The following ZMAT4 variants were observed in gnomAD, a reference collection of about 807,000 sequenced individuals.
The protein encoded by ZMAT4 is zinc finger matrin-type 4.
Under a neutral mutation model 28.7 loss-of-function variants are expected in ZMAT4, and 17 were observed. The ratio of observed to expected loss-of-function variants is 0.59; its 90% confidence interval spans 0.41 to 0.89. ZMAT4 has a LOEUF of 0.89. Ranked by LOEUF, ZMAT4 falls within the 40% of genes least tolerant of loss-of-function variation. The probability of loss-of-function intolerance (pLI) is 0.00; values close to 1 mark genes in which losing one functional copy is unlikely to be tolerated. For synonymous variants in ZMAT4, 117 were observed against 109.2 expected (o/e 1.07, Z -0.44); for missense variants, 240 against 283.8 (o/e 0.85, Z 1.11).
At chr8:40,751,268 G>C (rs948155285) in intron 3 of ZMAT4, among the ~76,000 whole-genome samples, 2 of 152,118 alleles carry the variant, frequency 1.3e-5, no homozygotes, top group South Asian at 2.1e-4. Context: ...ACTGGCTCAC[G>C]GTTCTACAGG....
chr8:40,769,421 A>G (rs965582765), intron 2 of ZMAT4, among the ~76,000 whole-genome samples: 6 of 152,220 alleles, frequency 3.9e-5, no homozygotes, highest in African/African-American at 1.4e-4. Flanking sequence ...TTTGCAGCTT[A>G]CTAACATCTG....
At chr8:40,559,569 A>G (rs74303370) in intron 6 of ZMAT4, among the ~76,000 whole-genome samples, 7,069 of 152,256 alleles carry the variant, frequency 0.046, 276 homozygotes, top group East Asian at 0.21. Flanking sequence ...GGCCTCTGCT[A>G]GAGGCAATGC....
chr8:40,842,627 G>A (rs1458946347), intron 1 of ZMAT4, among the ~76,000 whole-genome samples: 1 of 152,166 alleles, frequency 6.6e-6, no homozygotes, highest in Non-Finnish European at 1.5e-5. Context: ...TCACCTGCCA[G>A]TGACATAGAA....
chr8:40,632,263 A>T (rs1310457692), intron 5 of ZMAT4, among the ~76,000 whole-genome samples: 1 of 152,224 alleles, frequency 6.6e-6, no homozygotes, highest in Non-Finnish European at 1.5e-5. Flanking sequence ...TCAGGAGCAA[A>T]GGGCAAGAAA....
intron 5 of ZMAT4, among the ~76,000 whole-genome samples, chr8:40,646,555 G>T (rs1807325537): frequency 6.6e-6 from 1 of 151,960 alleles, no homozygotes; most frequent in African/African-American, 2.4e-5. Context: ...TTTAAAATAA[G>T]AAGTATCCAT....
chr8:40,832,388 C>T (rs1816315534), intron 1 of ZMAT4, among the ~76,000 whole-genome samples: 1 of 152,152 alleles, frequency 6.6e-6, no homozygotes, highest in Non-Finnish European at 1.5e-5. Context: ...AATTCTGCAC[C>T]TCTGCAACCT....
At chr8:40,834,318 G>A in intron 1 of ZMAT4, among the ~76,000 whole-genome samples, 1 of 152,036 alleles carries the variant, frequency 6.6e-6, no homozygotes, top group East Asian at 1.9e-4. Context: ...TCCCCTCTCT[G>A]ATCCCTTGTC....
At chr8:40,616,015 A>T (rs540726489) in intron 5 of ZMAT4, among the ~76,000 whole-genome samples, 1 of 152,352 alleles carries the variant, frequency 6.6e-6, no homozygotes, top group Non-Finnish European at 1.5e-5. Flanking sequence ...TCCAGAATCT[A>T]CAATGAACTC....
At chr8:40,583,865 G>A (rs906695627) in intron 5 of ZMAT4, among the ~76,000 whole-genome samples, 1 of 152,136 alleles carries the variant, frequency 6.6e-6, no homozygotes, top group Non-Finnish European at 1.5e-5. Flanking sequence ...ACTAAATACA[G>A]AATTTAGTCT....
chr8:40,819,923 A>T (rs1327306820), intron 2 of ZMAT4, among the ~76,000 whole-genome samples: 1 of 152,100 alleles, frequency 6.6e-6, no homozygotes, highest in Non-Finnish European at 1.5e-5. Flanking sequence ...TCATATATAT[A>T]TATGGAGAGA....
chr8:40,851,185 G>A (rs1817092141), intron 1 of ZMAT4, among the ~76,000 whole-genome samples: 1 of 152,028 alleles, frequency 6.6e-6, no homozygotes, highest in Admixed American at 6.6e-5. Context: ...AACTTAGCTG[G>A]GTGTGGTGGC....
chr8:40,748,247 A>G (rs563406595), intron 3 of ZMAT4, among the ~76,000 whole-genome samples: 1 of 152,328 alleles, frequency 6.6e-6, no homozygotes, highest in Non-Finnish European at 1.5e-5. Flanking sequence ...TGATTACAAA[A>G]CTATTTTGCT....
Position 40,770,387 on chromosome 8 carries a change from T to A in ZMAT4, c.103-2657A>T, listed in dbSNP as rs1025996184. 9.9e-5 allele frequency among the ~76,000 whole-genome samples: 15 copies of A among 152,144 alleles called. No individual in the cohort carries two copies. In the East Asian group the frequency reaches 2.7e-3, roughly 28 times the overall value. ...CGTTGGTTGACAAAGGGAAAGAGGT[T>A]CCCTGCAGATCGTTCCTGGGGTTTC... On this transcript the variant is annotated intron_variant, in intron 2 of 6. Transcript: ENST00000297737.
intron 1 of ZMAT4, among the ~76,000 whole-genome samples, chr8:40,829,602 G>T (rs1441851432): frequency 6.6e-6 from 1 of 152,152 alleles, no homozygotes; most frequent in Non-Finnish European, 1.5e-5. Context: ...GATAACAGAG[G>T]CACAACCCCT....
At chr8:40,673,524 G>A (rs993541189) in intron 5 of ZMAT4, among the ~76,000 whole-genome samples, 1 of 152,058 alleles carries the variant, frequency 6.6e-6, no homozygotes, top group Non-Finnish European at 1.5e-5. Context: ...GCCCACAAAA[G>A]CTCATCAAAC....
At chr8:40,630,148 C>A (rs1806522556) in intron 5 of ZMAT4, among the ~76,000 whole-genome samples, 1 of 152,224 alleles carries the variant, frequency 6.6e-6, no homozygotes, top group Admixed American at 6.5e-5. Context: ...TATCCAAATT[C>A]TCTCTTGTTT....
intron 5 of ZMAT4, among the ~76,000 whole-genome samples, chr8:40,666,735 A>G (rs2599669): frequency 0.34 from 51,292 of 152,102 alleles, 9,797 homozygotes; most frequent in Middle Eastern, 0.44. Context: ...GTTAAACAAC[A>G]CAAAATTTAG....
chr8:40,657,150 T>C (rs1411808195), intron 5 of ZMAT4, among the ~76,000 whole-genome samples: 1 of 152,162 alleles, frequency 6.6e-6, no homozygotes, highest in Non-Finnish European at 1.5e-5. Flanking sequence ...CCCACCTCAG[T>C]TTCCCAAGTA....
At chr8:40,553,017 C>A (rs1490277503) in intron 6 of ZMAT4, among the ~76,000 whole-genome samples, 1 of 152,074 alleles carries the variant, frequency 6.6e-6, no homozygotes, top group African/African-American at 2.4e-5. Context: ...TGTAAAAATT[C>A]AAAAAATTGT....
Sources: allele counts gnomAD v4.1 joint callset (sites outside exome capture counted in the v4.1 genomes callset), GRCh38; gene constraint gnomAD v4.1.1; transcripts MANE v1.5; gene names NCBI Gene and HGNC (gene_info 2026-07-23, HGNC 2026-07-21).